Variants in ZSCAN25 observed in about 807,000 individuals in gnomAD.
ZSCAN25 encodes zinc finger and SCAN domain-containing protein 25.
A neutral mutation model predicts 38.7 loss-of-function variants in ZSCAN25; 27 were observed. That is an observed-to-expected ratio of 0.70 (90% CI 0.51 to 0.96). The LOEUF (loss-of-function observed/expected upper bound fraction) is 0.96, where lower values mean the gene tolerates loss of function less well. ZSCAN25 is among the 40% of genes least tolerant of loss of function. ZSCAN25 has a pLI of 0.00. For synonymous variants in ZSCAN25, 273 were observed against 277.7 expected, an observed-to-expected ratio of 0.98 and a Z score of 0.17; for missense variants, 637 against 705.9, an observed-to-expected ratio of 0.90 and a Z score of 1.11.
At chr7:99,723,457 C>G in the ZSCAN25 span, among the ~76,000 whole-genome samples, 3 of 152,162 alleles carry the variant, frequency 2.0e-5, no homozygotes, top group African/African-American at 4.8e-5. Context: ...ACTGACCCAC[C>G]CCTATCTCCC....
chr7:99,728,464 G>A, the ZSCAN25 span, among the ~76,000 whole-genome samples: 1 of 152,080 alleles, frequency 6.6e-6, no homozygotes, highest in Non-Finnish European at 1.5e-5. Context: ...TGACCACTAA[G>A]GGCTGATGCC....
At chr7:99,693,654 G>A in the ZSCAN25 span, among the ~76,000 whole-genome samples, 2 of 152,224 alleles carry the variant, frequency 1.3e-5, no homozygotes, top group African/African-American at 4.8e-5. Context: ...AGCATATCAG[G>A]TGGATCTCAG....
chr7:99,717,557 G>A, the ZSCAN25 span: 1 of 1,613,694 alleles, frequency 6.2e-7, no homozygotes, highest in Admixed American at 1.7e-5. Flanking sequence ...GAATGTTGGA[G>A]ACAGCAATGA....
the ZSCAN25 span, among the ~76,000 whole-genome samples, chr7:99,641,233 A>G: frequency 6.6e-6 from 1 of 152,184 alleles, no homozygotes; most frequent in Non-Finnish European, 1.5e-5. Context: ...GAAACTTACA[A>G]TCATGGTTGA....
At chr7:99,712,601 T>C in the ZSCAN25 span, among the ~76,000 whole-genome samples, 1 of 152,160 alleles carries the variant, frequency 6.6e-6, no homozygotes, top group South Asian at 2.1e-4. Context: ...GATAGAGAGA[T>C]GATAGCTAGA....
chr7:99,665,748 C>T, the ZSCAN25 span, among the ~76,000 whole-genome samples: 1 of 152,224 alleles, frequency 6.6e-6, no homozygotes, highest in Admixed American at 6.5e-5. Context: ...GCCAATTCCT[C>T]TTCAACACTT....
the ZSCAN25 span, among the ~76,000 whole-genome samples, chr7:99,669,765 AAATC>A: frequency 1.3e-5 from 2 of 152,206 alleles, no homozygotes; most frequent in Non-Finnish European, 2.9e-5. Flanking sequence ...AGACACAACT[AAATC>A]AAGAGATTTA....
the ZSCAN25 span, among the ~76,000 whole-genome samples, chr7:99,677,452 A>G: frequency 2.6e-5 from 4 of 152,358 alleles, no homozygotes; most frequent in Admixed American, 6.5e-5. Context: ...TGTTGATAGC[A>G]AATGGTGCAG....
At chr7:99,675,658 C>CCA in the ZSCAN25 span, among the ~76,000 whole-genome samples, 3 of 5,066 alleles carry the variant, frequency 5.9e-4, no homozygotes, top group Non-Finnish European at 1.5e-3. Flanking sequence ...CCTCCCCTCC[C>CCA]CTCCCCTCCC....
chr7:99,636,553 G>A (rs950578893), downstream of ZSCAN25, among the ~76,000 whole-genome samples: 5 of 152,070 alleles, frequency 3.3e-5, no homozygotes, highest in African/African-American at 1.2e-4. Context: ...AAGATGTCCC[G>A]CTTAATTTTA....
the ZSCAN25 span, chr7:99,730,653 A>C: frequency 5.0e-6 from 1 of 200,000 alleles, no homozygotes; most frequent in African/African-American, 2.3e-5. Context: ...CTTGCTACAG[A>C]GAGGAAAGTT....
the ZSCAN25 span, among the ~76,000 whole-genome samples, chr7:99,703,833 T>G: frequency 6.6e-6 from 1 of 151,890 alleles, no homozygotes; most frequent in Admixed American, 6.6e-5. Flanking sequence ...AGGCCACACC[T>G]CTCTATGAAC....
the ZSCAN25 span, among the ~76,000 whole-genome samples, chr7:99,713,109 T>C: frequency 1.6e-4 from 24 of 152,132 alleles, no homozygotes; most frequent in Non-Finnish European, 2.4e-4. Context: ...TTGAAAGCAA[T>C]CACAAAAATT....
chr7:99,660,642 G>C, the ZSCAN25 span: 1 of 1,613,878 alleles, frequency 6.2e-7, no homozygotes, highest in Non-Finnish European at 8.5e-7. Flanking sequence ...TGGGCTGCGA[G>C]CTCCAGATCA....
the ZSCAN25 span, among the ~76,000 whole-genome samples, chr7:99,732,570 C>G: frequency 4.6e-5 from 7 of 152,184 alleles, no homozygotes; most frequent in East Asian, 5.8e-4. Context: ...CTTTGATGGG[C>G]CATGTATGGA....
At chr7:99,687,196 A>G in the ZSCAN25 span, among the ~76,000 whole-genome samples, 1 of 152,208 alleles carries the variant, frequency 6.6e-6, no homozygotes, top group Non-Finnish European at 1.5e-5. Context: ...AAGTTGAGAG[A>G]AGAAGGCTTC....
chr7:99,652,433 TA>T, the ZSCAN25 span: 1 of 710,662 alleles, frequency 1.4e-6, no homozygotes. Context: ...TTTTTTGTGA[TA>T]AAAAGACTTA....
chr7:99,624,431 A>C (rs988544811), intron 7 of ZSCAN25: 54 of 515,056 alleles, frequency 1.0e-4, no homozygotes, highest in Middle Eastern at 1.0e-3. Flanking sequence ...AGGACCCCCA[A>C]ACACCTACAT....
chr7:99,665,492 A>T, the ZSCAN25 span, among the ~76,000 whole-genome samples: 1 of 152,212 alleles, frequency 6.6e-6, no homozygotes, highest in Non-Finnish European at 1.5e-5. Context: ...GGTGCCAGTG[A>T]TGGAGCTGGC....
Sources: gnomAD v4.1 joint callset for allele counts (sites outside exome capture counted in the v4.1 genomes callset) on GRCh38, gnomAD v4.1.1 for gene constraint, MANE v1.5 for transcripts, NCBI Gene and HGNC (gene_info 2026-07-23, HGNC 2026-07-21) for gene names.